Variants in ZNF823 observed in about 807,000 individuals in gnomAD.
The protein encoded by ZNF823 is ZFP 36 for a zinc finger protein.
ZNF823 carries 5 observed loss-of-function variants against 11.4 expected under a neutral mutation model. The observed-to-expected ratio is 0.44, with a 90% CI of 0.23 to 0.92. The LOEUF (loss-of-function observed/expected upper bound fraction) is 0.92, where lower values mean the gene tolerates loss of function less well. Ranked by LOEUF, ZNF823 falls within the 40% of genes least tolerant of loss-of-function variation. ZNF823 has a pLI of 0.24. For synonymous variants in ZNF823, 234 were observed against 250.5 expected (o/e 0.93, Z 0.62); for missense variants, 582 against 738.5 (o/e 0.79, Z 2.46).
chr19:11,723,158 A>G lies in ZNF823; in HGVS notation c.376T>C (p.Cys126Arg), dbSNP rs372812900. 3.7e-6 allele frequency: 6 copies of G among 1,614,012 alleles called. No individual in the cohort carries two copies. The African/African-American group carries it at 4.0e-5, about 11-fold the overall frequency. Residue 126 changes from cysteine (C) to arginine (R), a missense_variant, in exon 4 of 4, where the codon TGT becomes CGT. Physicochemically the swap from Cys to Arg is radical, Grantham distance 180 (BLOSUM62 -3). Coordinates refer to ENST00000341191, the MANE Select transcript of ZNF823 (RefSeq NM_001080493.4). ...TTCTCTCCATATTCCTGATGCTCACATGATTTGTGTCCAGTGTCAACTCTG... is the reference window on the plus strand; with the variant it reads ...TTCTCTCCATATTCCTGATGCTCACGTGATTTGTGTCCAGTGTCAACTCTG... ...NIRVDTGHKS[C>R]EHQEYGEKPY... is the part of the protein sequence containing the mutation.
rs1974710128 is a variant in ZNF823, at chr19:11,722,637, CG to C, written c.896del (p.Thr299ArgfsTer25). 1.2e-6 allele frequency: 2 copies of C among 1,613,010 alleles called. No individual in the cohort carries two copies. Among genetic ancestry groups the C allele is most frequent in the Non-Finnish European group, 1.7e-6 (2 of 1,179,710 alleles). ...YYTRLHERTH[T>X]GEQPYACKQC... Reference sequence around the variant, plus strand: ...GCTTACATGCATAGGGTTGTTCTCCCGTGTGAGTCCTTTCATGTAGTCGAGT... The same window carrying C: ...GCTTACATGCATAGGGTTGTTCTCCCTGTGAGTCCTTTCATGTAGTCGAGT... On this transcript the variant is annotated frameshift_variant, in exon 4 of 4. Transcript: ENST00000341191. LOFTEE classifies it low-confidence loss of function (END_TRUNC). The surrounding 1 kb of genome is among the most constrained non-coding windows in gnomAD (Gnocchi z 5.2).
Position 11,721,578 on chromosome 19 carries a change from T to C in ZNF823, c.*123A>G. 1.0e-6 allele frequency: 1 copy of C among 969,214 alleles called. No individual in the cohort carries two copies. Among genetic ancestry groups the C allele is most frequent in the Non-Finnish European group, 1.5e-6 (1 of 666,008 alleles). The allele number at this position is 969,214 out of a possible 1,614,324, so 60.0% of individuals were successfully genotyped here. ...GCAATATATTGGGGGATAACTGTAT[T>C]TAAAAAAATTGAAACTACTTAAGGC... On this transcript the variant is annotated 3_prime_UTR_variant, in exon 4 of 4. Transcript: ENST00000341191.
In ZNF823 at chr19:11,722,144, T is replaced by C. The variant is rs754333425; in HGVS notation, c.1390A>G (p.Thr464Ala). The C allele has an allele frequency of 1.2e-6, 2 of 1,614,134 alleles. No homozygotes were observed. The highest frequency in any genetic ancestry group is 1.1e-5 in the South Asian group (1 of 91,068). Residue 464 changes from threonine (T) to alanine (A), a missense_variant, in exon 4 of 4, where the codon ACT (threonine) becomes GCT (alanine). By Grantham distance (58) the Thr-to-Ala change is moderately conservative. Coordinates refer to ENST00000341191, the MANE Select transcript of ZNF823 (RefSeq NM_001080493.4). The surrounding 1 kb of genome is among the most constrained non-coding windows in gnomAD (Gnocchi z 5.2). ...TCATATGGCTTCTCTCCAGTGTGAG[T>C]TGTCTCATGATTTTGAAAGGAAGAG... ...DLSSFQNHETTHTGEKPYECK... is the reference protein window; with the variant it reads ...DLSSFQNHETAHTGEKPYECK...
intron 1 of ZNF823, among the ~76,000 whole-genome samples, chr19:11,734,349 C>G: frequency 6.6e-6 from 1 of 152,150 alleles, no homozygotes; most frequent in East Asian, 1.9e-4. Context: ...CTCCGCATTG[C>G]TTCGACTATG....
chr19:11,724,555 C>CT (rs751508496), intron 2 of ZNF823, among the ~76,000 whole-genome samples: 4,044 of 126,094 alleles, frequency 0.032, 233 homozygotes, highest in African/African-American at 0.094. Context: ...AGTTTCTCAT[C>CT]TTTTTTTTTT....
intron 1 of ZNF823, among the ~76,000 whole-genome samples, chr19:11,728,911 G>A (rs186835394): frequency 2.6e-5 from 4 of 152,186 alleles, no homozygotes; most frequent in Admixed American, 6.5e-5. Flanking sequence ...AGTGGCTCAC[G>A]CCTGTAATCC....
chr19:11,732,173 T>A (rs1424451187), intron 1 of ZNF823, among the ~76,000 whole-genome samples: 1 of 148,512 alleles, frequency 6.7e-6, no homozygotes, highest in African/African-American at 2.5e-5. Flanking sequence ...GTTTCCCTTT[T>A]TTTTTTTTTG....
At position 11,722,583 on chromosome 19, in the gene ZNF823, T is replaced by C; in HGVS notation, c.951A>G (p.Thr317=). Residue 317 remains threonine, a synonymous_variant, in exon 4 of 4, where the codon ACA becomes ACG. Coordinates refer to ENST00000341191, the MANE Select transcript of ZNF823 (RefSeq NM_001080493.4). The surrounding 1 kb of genome is among the most constrained non-coding windows in gnomAD (Gnocchi z 5.2). ...KQCGKTFYHH[T]SFRRHMIRHT... ...GCCTTATCATGTGTCTTCGAAAGCT[T>C]GTGTGATGATAAAACGTTTTCCCAC... 1.9e-6 allele frequency: 3 copies of C among 1,614,102 alleles called. No individual in the cohort carries two copies. The highest frequency in any genetic ancestry group is 2.5e-6 in the Non-Finnish European group (3 of 1,180,014).
chr19:11,738,943 AG>A lies in ZNF823; in HGVS notation c.-125del. On this transcript the variant is annotated 5_prime_UTR_variant, in exon 1 of 4. Transcript: ENST00000341191. ...GCGCCAGAGCCAGGACTCAGAGCGC[AG>A]GGGCGTGGAGAAGACTCCGCGGGCT... 2.4e-6 allele frequency: 3 copies of A among 1,269,556 alleles called. No homozygotes were observed. Among genetic ancestry groups the A allele is most frequent in the South Asian group, 1.6e-5 (1 of 63,078 alleles). 78.6% of individuals were successfully genotyped at this position (1,269,556 alleles called of 1,614,324 possible).
chr19:11,727,373 G>T (rs568735689), intron 1 of ZNF823, among the ~76,000 whole-genome samples: 1 of 152,102 alleles, frequency 6.6e-6, no homozygotes, highest in South Asian at 2.1e-4. Context: ...TTAGCTGGGT[G>T]TGGTGGCGCA....
Position 11,722,405 on chromosome 19 carries a change from T to C in ZNF823, c.1129A>G (p.Ser377Gly), listed in dbSNP as rs1974703319. 6.2e-7 allele frequency: 1 copy of C among 1,614,084 alleles called. No homozygotes were observed. Among genetic ancestry groups the C allele is most frequent in the East Asian group, 2.2e-5 (1 of 44,856 alleles). Residue 377 changes from serine (S) to glycine (G), a missense_variant, in exon 4 of 4, where the codon AGT becomes GGT. Physicochemically the swap from Ser to Gly is moderately conservative, Grantham distance 56 (BLOSUM62 0). Transcript: ENST00000341191. The surrounding 1 kb of genome is among the most constrained non-coding windows in gnomAD (Gnocchi z 5.2). ...TCTCCTGTGTGTGTTATCATGTGAC[T>C]TCGAAAGCTCGAGCTATGAGATAAC... ...KVLSHSSSFRSHMITHTGDGP... is the reference protein window; with the variant it reads ...KVLSHSSSFRGHMITHTGDGP...
At chr19:11,737,521 C>A (rs544062899) in intron 1 of ZNF823, among the ~76,000 whole-genome samples, 65 of 150,904 alleles carry the variant, frequency 4.3e-4, no homozygotes, top group African/African-American at 1.5e-3. Flanking sequence ...CTTAGCCTCC[C>A]AAAGTGCTGG....
In ZNF823 at chr19:11,721,923, A is replaced by C. The variant is rs371016799; in HGVS notation, c.1611T>G (p.Ser537=). 7.0e-5 allele frequency: 113 copies of C among 1,614,060 alleles called. No individual in the cohort carries two copies. In the African/African-American group the frequency reaches 1.2e-3, roughly 17 times the overall value. ...YECKECGKAF[S]WLTCLLRHER... ...CATGTCGTAGAAGGCAAGTGAGCCAAGAGAATGCTTTTCCACATTCCTTAC... is the reference window on the plus strand; with the variant it reads ...CATGTCGTAGAAGGCAAGTGAGCCACGAGAATGCTTTTCCACATTCCTTAC... Residue 537 remains serine (S), a synonymous_variant, in exon 4 of 4, where the codon TCT becomes TCG. Transcript: ENST00000341191.
chr19:11,737,973 C>T (rs1975024957), intron 1 of ZNF823, among the ~76,000 whole-genome samples: 1 of 152,200 alleles, frequency 6.6e-6, no homozygotes, highest in Admixed American at 6.5e-5. Context: ...GCACAAAGCC[C>T]ACACACACGA....
In ZNF823 at chr19:11,723,126, A is replaced by C; in HGVS notation, c.408T>G (p.Tyr136Ter). 6.2e-7 allele frequency: 1 copy of C among 1,614,162 alleles called. No individual in the cohort carries two copies. Residue 136 changes from tyrosine to a stop codon, truncating the protein, a stop_gained, in exon 4 of 4, where the codon TAT (tyrosine) becomes TAG (stop). Coordinates refer to ENST00000341191, the MANE Select transcript of ZNF823 (RefSeq NM_001080493.4). LOFTEE classifies it low-confidence loss of function (END_TRUNC). The stretch of plus-strand genomic sequence containing the variant: ...TGGCTTTCCCACGTTGTTTATGTGT[A>C]TATGGCTTCTCTCCATATTCCTGAT... ...CEHQEYGEKP[Y>*]THKQRGKAIS...
At chr19:11,723,587 C>G (rs1599700294) in intron 3 of ZNF823, among the ~76,000 whole-genome samples, 1 of 151,974 alleles carries the variant, frequency 6.6e-6, no homozygotes, top group East Asian at 1.9e-4. Flanking sequence ...CTCTTGTTGC[C>G]CAGGTTGGAG....
intron 3 of ZNF823, 135 bp from the exon 4 acceptor site, chr19:11,723,477 G>C (rs1974733352): frequency 1.3e-6 from 1 of 766,112 alleles, no homozygotes; most frequent in Admixed American, 2.9e-5. Flanking sequence ...TGAAGTGACA[G>C]TGCTGTGTAA....
At chr19:11,738,259 G>A (rs1345170519) in intron 1 of ZNF823, among the ~76,000 whole-genome samples, 1 of 152,168 alleles carries the variant, frequency 6.6e-6, no homozygotes, top group Non-Finnish European at 1.5e-5. Context: ...AAAGGCTGGC[G>A]CCAACCAGGC....
chr19:11,721,580 A>T lies in ZNF823; in HGVS notation c.*121T>A. The T allele has an allele frequency of 3.0e-6, 3 of 998,294 alleles. No individual in the cohort carries two copies. Among genetic ancestry groups the T allele is most frequent in the East Asian group, 2.6e-5 (1 of 38,186 alleles). The allele number at this position is 998,294 out of a possible 1,614,324, so 61.8% of individuals were successfully genotyped here. A position where few individuals can be genotyped will look rare whatever the true frequency, so the allele number is the denominator to read the frequency against. Reference sequence around the variant, plus strand: ...AATATATTGGGGGATAACTGTATTTAAAAAAATTGAAACTACTTAAGGCTT... The same window carrying T: ...AATATATTGGGGGATAACTGTATTTTAAAAAATTGAAACTACTTAAGGCTT... On this transcript the variant is annotated 3_prime_UTR_variant, in exon 4 of 4. Coordinates refer to ENST00000341191, the MANE Select transcript of ZNF823 (RefSeq NM_001080493.4).
Sources: gnomAD v4.1 joint callset for allele counts (sites outside exome capture counted in the v4.1 genomes callset) on GRCh38, gnomAD v4.1.1 for gene constraint, Gnocchi (gnomAD v3.1) non-coding constraint, MANE v1.5 for transcripts, NCBI Gene and HGNC (gene_info 2026-07-23, HGNC 2026-07-21) for gene names.